Variants in AKAP19 observed in about 807,000 individuals in gnomAD.
AKAP19 encodes the protein small A-kinase anchoring protein.
the AKAP19 span, chr2:189,930,293 G>A: frequency 1.6e-6 from 1 of 608,220 alleles, no homozygotes; most frequent in South Asian, 3.0e-5. Context: ...AAGCAGTGCT[G>A]CATCAACTGG....
the AKAP19 span, among the ~76,000 whole-genome samples, chr2:190,048,092 C>T: frequency 4.4e-3 from 671 of 152,210 alleles, 10 homozygotes; most frequent in African/African-American, 0.015. Context: ...ATACTGTTTT[C>T]GCATTTATCT....
chr2:189,917,438 T>C, the AKAP19 span: 1 of 765,702 alleles, frequency 1.3e-6, no homozygotes, highest in South Asian at 1.5e-5. Flanking sequence ...CTGTTTTTTT[T>C]CTAGCTCGAT....
At chr2:190,177,259 T>C in the AKAP19 span, among the ~76,000 whole-genome samples, 39 of 152,210 alleles carry the variant, frequency 2.6e-4, no homozygotes, top group East Asian at 7.3e-3. This position sits in a 1 kb window ranked among gnomAD's most constrained non-coding sequence, Gnocchi z 4.6. Flanking sequence ...TGGGAGCAGG[T>C]GGGGAGTTAG....
the AKAP19 span, chr2:190,180,697 C>T: frequency 1.0e-6 from 1 of 985,324 alleles, no homozygotes; most frequent in Non-Finnish European, 1.2e-6. This position sits in a 1 kb window ranked among gnomAD's most constrained non-coding sequence, Gnocchi z 6.8. Context: ...ACCCGAAGTT[C>T]GTGGGTCGCT....
chr2:189,993,059 T>C, the AKAP19 span, among the ~76,000 whole-genome samples: 2 of 152,218 alleles, frequency 1.3e-5, no homozygotes, highest in Non-Finnish European at 2.9e-5. Context: ...TAATATTGAA[T>C]AGCAATGGTG....
chr2:189,943,882 T>C, the AKAP19 span, among the ~76,000 whole-genome samples: 1 of 152,244 alleles, frequency 6.6e-6, no homozygotes, highest in Non-Finnish European at 1.5e-5. Flanking sequence ...TTTGGCTGAT[T>C]TCTCCCTTTT....
At chr2:190,149,291 T>C in the AKAP19 span, among the ~76,000 whole-genome samples, 2 of 152,030 alleles carry the variant, frequency 1.3e-5, no homozygotes, top group African/African-American at 4.8e-5. Flanking sequence ...TTTTTTTTCA[T>C]TTATCTTTTG....
At chr2:189,942,419 A>G in the AKAP19 span, among the ~76,000 whole-genome samples, 3 of 152,316 alleles carry the variant, frequency 2.0e-5, no homozygotes, top group Admixed American at 1.3e-4. Flanking sequence ...CCATCAGCCA[A>G]TTAAATCTCT....
At chr2:190,057,701 C>T in the AKAP19 span, 4 of 1,549,380 alleles carry the variant, frequency 2.6e-6, no homozygotes, top group South Asian at 4.5e-5. Context: ...TTCTACCTAC[C>T]TTAAGAAGTT....
the AKAP19 span, among the ~76,000 whole-genome samples, chr2:190,067,683 G>A: frequency 6.6e-6 from 1 of 152,136 alleles, no homozygotes; most frequent in South Asian, 2.1e-4. Flanking sequence ...TGAGGTGACT[G>A]TATTCATACT....
the AKAP19 span, among the ~76,000 whole-genome samples, chr2:190,006,675 C>G: frequency 2.1e-5 from 3 of 144,316 alleles, no homozygotes; most frequent in Admixed American, 7.0e-5. Context: ...AAGCAAAATT[C>G]TAGTGAACAG....
At chr2:190,165,235 G>A in the AKAP19 span, among the ~76,000 whole-genome samples, 2 of 152,046 alleles carry the variant, frequency 1.3e-5, no homozygotes, top group African/African-American at 2.4e-5. Flanking sequence ...TCAGGAGTTC[G>A]AGACTAGCCT....
At chr2:190,096,613 G>A in the AKAP19 span, among the ~76,000 whole-genome samples, 1 of 152,134 alleles carries the variant, frequency 6.6e-6, no homozygotes, top group East Asian at 1.9e-4. Flanking sequence ...CATTGACTCT[G>A]CTCTCATATT....
chr2:189,901,204 T>G, the AKAP19 span, among the ~76,000 whole-genome samples: 8 of 152,198 alleles, frequency 5.3e-5, no homozygotes, highest in Admixed American at 1.3e-4. Flanking sequence ...GCCATGTAGA[T>G]GTTTTGGGGT....
the AKAP19 span, among the ~76,000 whole-genome samples, chr2:190,107,318 T>C: frequency 2.0e-5 from 3 of 152,274 alleles, no homozygotes; most frequent in African/African-American, 7.2e-5. Context: ...ACTGGCTTGC[T>C]AAGATAATAA....
chr2:190,091,547 A>AACACACACAC, the AKAP19 span, among the ~76,000 whole-genome samples: 102 of 150,330 alleles, frequency 6.8e-4, no homozygotes, highest in South Asian at 1.7e-3. Context: ...TCTTTTGTTA[A>AACACACACAC]ACACACACAC....
At chr2:189,935,967 A>G in the AKAP19 span, among the ~76,000 whole-genome samples, 1 of 152,154 alleles carries the variant, frequency 6.6e-6, no homozygotes, top group Non-Finnish European at 1.5e-5. Flanking sequence ...ATCCTTTTAC[A>G]GAAGACAGAA....
At chr2:190,147,646 C>T in the AKAP19 span, among the ~76,000 whole-genome samples, 3 of 143,020 alleles carry the variant, frequency 2.1e-5, no homozygotes, top group Non-Finnish European at 4.6e-5. Context: ...GATGTGTTTC[C>T]ATTTGTTTTT....
At chr2:190,069,178 G>GAC in the AKAP19 span, among the ~76,000 whole-genome samples, 1 of 140,290 alleles carries the variant, frequency 7.1e-6, no homozygotes, top group East Asian at 2.7e-4. Context: ...GTGTGTGTGA[G>GAC]AGAGAGAGAG....
Sources: allele counts gnomAD v4.1 joint callset (sites outside exome capture counted in the v4.1 genomes callset), GRCh38; gene constraint gnomAD v4.1.1; non-coding constraint Gnocchi (gnomAD v3.1); transcripts MANE v1.5; gene names NCBI Gene and HGNC (gene_info 2026-07-23, HGNC 2026-07-21).